Variants in IGSF21 observed in about 807,000 individuals in gnomAD.
The protein encoded by IGSF21 is immunoglobulin superfamily member 21.
Under a neutral mutation model 46.8 loss-of-function variants are expected in IGSF21, and 28 were observed. The observed-to-expected ratio is 0.60, with a 90% CI of 0.44 to 0.82. The LOEUF is 0.82. IGSF21 is among the 40% of genes least tolerant of loss of function. The pLI is 0.00. For synonymous variants in IGSF21, 284 were observed against 273.6 expected, an observed-to-expected ratio of 1.04 and a Z score of -0.38; for missense variants, 624 against 665.5, an observed-to-expected ratio of 0.94 and a Z score of 0.69.
At chr1:18,306,397 C>T (rs576940128) in intron 3 of IGSF21, among the ~76,000 whole-genome samples, 1 of 152,336 alleles carries the variant, frequency 6.6e-6, no homozygotes, top group South Asian at 2.1e-4. Context: ...CAGAATTTCC[C>T]ACCCCTGTGT....
At chr1:18,254,858 T>C (rs200028166) in intron 2 of IGSF21, among the ~76,000 whole-genome samples, 2 of 150,356 alleles carry the variant, frequency 1.3e-5, no homozygotes, top group East Asian at 2.0e-4. Flanking sequence ...ATCCATCCAT[T>C]CATCCATCCA....
chr1:18,319,826 C>G (rs2085583206), intron 3 of IGSF21, among the ~76,000 whole-genome samples: 1 of 152,170 alleles, frequency 6.6e-6, no homozygotes, highest in South Asian at 2.1e-4. Flanking sequence ...CTATCCCTGT[C>G]CTGTCTTTCT....
chr1:18,237,490 C>T (rs1435771999), intron 2 of IGSF21, among the ~76,000 whole-genome samples: 1 of 152,192 alleles, frequency 6.6e-6, no homozygotes, highest in Non-Finnish European at 1.5e-5. Flanking sequence ...CGAAAAGCCC[C>T]ACAGACGAGC....
chr1:18,211,776 C>T (rs1214320927), intron 1 of IGSF21, among the ~76,000 whole-genome samples: 1 of 152,042 alleles, frequency 6.6e-6, no homozygotes, highest in Non-Finnish European at 1.5e-5. Flanking sequence ...CCTTAATAAC[C>T]CATCATCCAT....
chr1:18,307,986 A>G (rs1317115152), intron 3 of IGSF21, among the ~76,000 whole-genome samples: 2 of 152,274 alleles, frequency 1.3e-5, no homozygotes, highest in Admixed American at 1.3e-4. Context: ...TTAAGGAGAA[A>G]AGGTCATCGC....
intron 3 of IGSF21, among the ~76,000 whole-genome samples, chr1:18,325,872 G>A (rs1021556029): frequency 7.2e-5 from 11 of 152,220 alleles, no homozygotes; most frequent in African/African-American, 1.4e-4. Flanking sequence ...GCAAGATGCC[G>A]TGAGGGCAGC....
chr1:18,202,123 G>T (rs754563485), intron 1 of IGSF21, among the ~76,000 whole-genome samples: 9 of 152,022 alleles, frequency 5.9e-5, no homozygotes, highest in Non-Finnish European at 1.0e-4. Flanking sequence ...TTACATTCTG[G>T]AAAGTACATA....
chr1:18,374,620 G>A (rs75041576), intron 6 of IGSF21, among the ~76,000 whole-genome samples: 116 of 152,194 alleles, frequency 7.6e-4, no homozygotes, highest in African/African-American at 2.7e-3. Flanking sequence ...CTCTTCCCAC[G>A]GATGCTTCCC....
chr1:18,295,346 A>G (rs1464109362), intron 3 of IGSF21, among the ~76,000 whole-genome samples: 1 of 152,226 alleles, frequency 6.6e-6, no homozygotes, highest in Non-Finnish European at 1.5e-5. Flanking sequence ...TTGAGCACCT[A>G]CTAGGACCTT....
chr1:18,219,439 G>A (rs1217833213), intron 1 of IGSF21, among the ~76,000 whole-genome samples: 1 of 152,164 alleles, frequency 6.6e-6, no homozygotes, highest in East Asian at 1.9e-4. Context: ...AATCAGAGAG[G>A]TAGGGAGGAC....
chr1:18,171,795 A>T (rs1216158535), intron 1 of IGSF21, among the ~76,000 whole-genome samples: 2 of 152,192 alleles, frequency 1.3e-5, no homozygotes, highest in Non-Finnish European at 2.9e-5. Context: ...GTGGATATGG[A>T]CTTCACGGGG....
At chr1:18,260,574 A>C (rs2084937612) in intron 2 of IGSF21, among the ~76,000 whole-genome samples, 2 of 152,224 alleles carry the variant, frequency 1.3e-5, no homozygotes, top group Non-Finnish European at 2.9e-5. Flanking sequence ...AATTACATGC[A>C]AATTAAGGTG....
intron 1 of IGSF21, among the ~76,000 whole-genome samples, chr1:18,125,588 T>C (rs1371151777): frequency 6.6e-6 from 1 of 152,232 alleles, no homozygotes; most frequent in Non-Finnish European, 1.5e-5. Context: ...TTAGTGCATC[T>C]ATTGATTCAT....
intron 1 of IGSF21, among the ~76,000 whole-genome samples, chr1:18,177,762 C>A (rs1267444341): frequency 6.6e-6 from 1 of 152,050 alleles, no homozygotes; most frequent in Admixed American, 6.6e-5. Flanking sequence ...GTGATTGGAT[C>A]GAGGAGGTGG....
At chr1:18,278,124 C>G (rs946167859) in intron 2 of IGSF21, among the ~76,000 whole-genome samples, 1 of 151,662 alleles carries the variant, frequency 6.6e-6, no homozygotes, top group Non-Finnish European at 1.5e-5. Flanking sequence ...TGGAAGGCAT[C>G]GAATAAATAA....
At chr1:18,272,459 T>C (rs2085052046) in intron 2 of IGSF21, among the ~76,000 whole-genome samples, 1 of 152,186 alleles carries the variant, frequency 6.6e-6, no homozygotes, top group African/African-American at 2.4e-5. Flanking sequence ...CCTAAGGTAG[T>C]TGGGAGGATC....
rs377582848 is a variant in IGSF21 at position 18,334,882 on chromosome 1, C to T, written c.306-10C>T. The stretch of plus-strand genomic sequence containing the variant: ...TGAAGGGCCCTCACCCTGTCTTCTG[C>T]CTCCCCCAGGCTGCCCGAGGTCCGG... On this transcript the variant is annotated splice_polypyrimidine_tract_variant and intron_variant, in intron 3 of 9. Transcript: ENST00000251296. This position sits in a 1 kb window ranked among gnomAD's most constrained non-coding sequence, Gnocchi z 4.3. 2.2e-4 allele frequency: 361 copies of T among 1,608,642 alleles called. No individual in the cohort carries two copies. The highest frequency in any genetic ancestry group is 2.9e-4 in the Non-Finnish European group (343 of 1,175,258).
At chr1:18,287,351 G>A (rs995219051) in intron 2 of IGSF21, among the ~76,000 whole-genome samples, 3 of 151,838 alleles carry the variant, frequency 2.0e-5, no homozygotes, top group Admixed American at 6.6e-5. Flanking sequence ...AGCTGAGATC[G>A]TGCCACTACA....
intron 1 of IGSF21, chr1:18,114,423 C>G (rs17434130): frequency 0.1 from 15,626 of 152,178 alleles, 907 homozygotes; most frequent in Middle Eastern, 0.17. Context: ...ACATGTGCAA[C>G]CTGGTTTTGA....
Sources: allele counts gnomAD v4.1 joint callset (sites outside exome capture counted in the v4.1 genomes callset), GRCh38; gene constraint gnomAD v4.1.1; non-coding constraint Gnocchi (gnomAD v3.1); transcripts MANE v1.5; gene names NCBI Gene and HGNC (gene_info 2026-07-23, HGNC 2026-07-21).